The following GABRB3 variants were observed in gnomAD, a reference collection of about 807,000 sequenced individuals.
GABRB3 encodes the protein gamma-aminobutyric acid receptor subunit beta-3.
A neutral mutation model predicts 52.1 loss-of-function variants in GABRB3; 14 were observed. That is an observed-to-expected ratio of 0.27 (90% CI 0.18 to 0.42). GABRB3 has a LOEUF of 0.42. Ranked by LOEUF, GABRB3 falls within the 10% of genes least tolerant of loss-of-function variation. The probability of loss-of-function intolerance (pLI) is 1.00; values close to 1 mark genes in which losing one functional copy is unlikely to be tolerated. For missense variants in GABRB3, 307 were observed against 609.1 expected (o/e 0.50, Z 5.22); for synonymous variants, 260 against 232.3 (o/e 1.12, Z -1.08).
At chr15:26,613,790 T>C (rs1394443592) in intron 4 of GABRB3, 1 of 152,196 alleles carries the variant, frequency 6.6e-6, no homozygotes, top group Non-Finnish European at 1.5e-5. Context: ...AGTGCTATGA[T>C]AACAACCCAG....
At chr15:26,672,285 C>T (rs931176709) in intron 3 of GABRB3, among the ~76,000 whole-genome samples, 1 of 152,186 alleles carries the variant, frequency 6.6e-6, no homozygotes, top group Non-Finnish European at 1.5e-5. Flanking sequence ...TAAATCCCAT[C>T]TCCAGGCATT....
intron 3 of GABRB3, among the ~76,000 whole-genome samples, chr15:26,654,946 C>T (rs1211606962): frequency 6.6e-6 from 1 of 152,092 alleles, no homozygotes; most frequent in Non-Finnish European, 1.5e-5. Flanking sequence ...TATCCTCCCA[C>T]CTCACTCTCC....
At chr15:26,595,452 C>T (rs750528257) in intron 4 of GABRB3, among the ~76,000 whole-genome samples, 1 of 152,130 alleles carries the variant, frequency 6.6e-6, no homozygotes, top group Non-Finnish European at 1.5e-5. Flanking sequence ...ACAAAACTTT[C>T]CTATTGTTTT....
chr15:26,634,521 C>T (rs906644012), intron 3 of GABRB3, among the ~76,000 whole-genome samples: 8 of 152,072 alleles, frequency 5.3e-5, no homozygotes, highest in Non-Finnish European at 7.4e-5. Context: ...CCACTGATGT[C>T]GCCATGGCAA....
intron 3 of GABRB3, among the ~76,000 whole-genome samples, chr15:26,673,674 G>A (rs1165053912): frequency 5.3e-5 from 8 of 152,160 alleles, no homozygotes; most frequent in African/African-American, 9.7e-5. Flanking sequence ...AGACAACTAC[G>A]TGCATCACAA....
chr15:26,578,508 G>A (rs1890674114), intron 6 of GABRB3, among the ~76,000 whole-genome samples: 1 of 152,224 alleles, frequency 6.6e-6, no homozygotes, highest in Admixed American at 6.5e-5. Flanking sequence ...TGAAAAGAAA[G>A]ATGGGGATTG....
At position 26,601,294 on chromosome 15, in the gene GABRB3, T is replaced by C. The variant is rs147914412; in HGVS notation, c.462-17880A>G. 2.0e-3 allele frequency among the ~76,000 whole-genome samples: 299 copies of C among 151,790 alleles called. 1 individual carries two copies. The Middle Eastern group carries it at 0.02, about 10-fold the overall frequency. On this transcript the variant is annotated intron_variant, in intron 4 of 8. Coordinates refer to ENST00000311550, the MANE Select transcript of GABRB3 (RefSeq NM_000814.6). Reference sequence around the variant, plus strand: ...AAACTTAGCCAGGCACCTGTAATCCTAGCTACTCAGGAGTCTGAGGCAGGA... The same window carrying C: ...AAACTTAGCCAGGCACCTGTAATCCCAGCTACTCAGGAGTCTGAGGCAGGA...
intron 4 of GABRB3, among the ~76,000 whole-genome samples, chr15:26,597,356 A>G (rs969949673): frequency 1.3e-5 from 2 of 152,202 alleles, no homozygotes; most frequent in African/African-American, 4.8e-5. Context: ...ATTTCTTGGG[A>G]GAGTTTACAC....
In GABRB3 at chr15:26,586,686, C is replaced by CAA. The variant is rs1179931462; in HGVS notation, c.462-3274_462-3273dup. 5.8e-3 allele frequency among the ~76,000 whole-genome samples: 571 copies of CAA among 98,624 alleles called. 13 individuals are homozygous for CAA. The highest frequency in any genetic ancestry group is 0.023 in the African/African-American group (541 of 23,892). 64.7% of individuals were successfully genotyped at this position (98,624 alleles called of 152,430 possible). A position where few individuals can be genotyped will look rare whatever the true frequency, so the allele number is the denominator to read the frequency against. On this transcript the variant is annotated intron_variant, in intron 4 of 8. Coordinates refer to ENST00000311550, the MANE Select transcript of GABRB3 (RefSeq NM_000814.6). The stretch of plus-strand genomic sequence containing the variant: ...CGACAAAGTGAGTAAGACTCCATCT[C>CAA]AAAAAAAAAAAAAAAAAAAGAGAGA...
chr15:26,773,580 C>T (rs1891222168), upstream of GABRB3: 28 of 1,385,680 alleles, frequency 2.0e-5, no homozygotes, highest in Non-Finnish European at 2.8e-5. Context: ...GCGCCTCTGC[C>T]CGCCGGACTG....
intron 3 of GABRB3, among the ~76,000 whole-genome samples, chr15:26,626,746 G>C (rs1595494857): frequency 6.6e-6 from 1 of 152,216 alleles, no homozygotes; most frequent in African/African-American, 2.4e-5. Flanking sequence ...GAAGATAGGA[G>C]AGATTGGTTC....
chr15:26,763,607 T>TACACAC (rs150301275), intron 3 of GABRB3, among the ~76,000 whole-genome samples: 9,246 of 145,880 alleles, frequency 0.063, 524 homozygotes, highest in African/African-American at 0.15. Flanking sequence ...TCTGCATAGA[T>TACACAC]ACACACACAC....
At chr15:26,610,202 T>C (rs1188242167) in intron 4 of GABRB3, among the ~76,000 whole-genome samples, 4 of 152,208 alleles carry the variant, frequency 2.6e-5, no homozygotes, top group Admixed American at 2.6e-4. Context: ...AAAGTAATTG[T>C]GGTTTTTGCC....
intron 3 of GABRB3, among the ~76,000 whole-genome samples, chr15:26,731,226 AAAC>A (rs749390368): frequency 1.3e-5 from 2 of 152,242 alleles, no homozygotes; most frequent in African/African-American, 4.8e-5. Context: ...AGAAATCACC[AAAC>A]AACAGTATAA....
At chr15:26,554,020 T>TAAA (rs1567096542) in intron 8 of GABRB3, among the ~76,000 whole-genome samples, 1 of 63,996 alleles carries the variant, frequency 1.6e-5, no homozygotes, top group Non-Finnish European at 3.0e-5. Flanking sequence ...CACCTGACTA[T>TAAA]TTATATATAT....
At chr15:26,619,665 T>C (rs932725445) in intron 4 of GABRB3, among the ~76,000 whole-genome samples, 2 of 151,712 alleles carry the variant, frequency 1.3e-5, no homozygotes, top group African/African-American at 4.8e-5. Flanking sequence ...ACTTAAAGTA[T>C]AATAATAATA....
intron 3 of GABRB3, among the ~76,000 whole-genome samples, chr15:26,670,706 T>G (rs753522147): frequency 5.3e-5 from 8 of 152,208 alleles, no homozygotes; most frequent in Non-Finnish European, 1.0e-4. Flanking sequence ...AGTGTAACTG[T>G]ACTTTGAGCA....
chr15:26,644,823 G>A (rs1008081193), intron 3 of GABRB3, among the ~76,000 whole-genome samples: 1 of 152,150 alleles, frequency 6.6e-6, no homozygotes, highest in Non-Finnish European at 1.5e-5. Context: ...GTCCAAGGTG[G>A]GTCCACATGA....
chr15:26,583,830 A>C (rs1263191771), intron 4 of GABRB3, among the ~76,000 whole-genome samples: 1 of 147,518 alleles, frequency 6.8e-6, no homozygotes, highest in Non-Finnish European at 1.5e-5. Flanking sequence ...GCTGGAGTGC[A>C]CTGGCATGAT....
Sources: allele counts gnomAD v4.1 joint callset (sites outside exome capture counted in the v4.1 genomes callset), GRCh38; gene constraint gnomAD v4.1.1; transcripts MANE v1.5; gene names NCBI Gene and HGNC (gene_info 2026-07-23, HGNC 2026-07-21).